The following DCAF6 variants were observed in gnomAD, a reference collection of about 807,000 sequenced individuals.
DCAF6 encodes the protein DDB1- and CUL4-associated factor 6.
DCAF6 carries 54 observed loss-of-function variants against 125.1 expected under a neutral mutation model. The observed-to-expected ratio is 0.43, with a 90% CI of 0.35 to 0.54. The LOEUF (loss-of-function observed/expected upper bound fraction) is 0.54. Among genes scored for constraint, DCAF6 ranks in the 20% least tolerant of loss-of-function variants. The pLI, the probability that DCAF6 is intolerant of heterozygous loss-of-function variation, is 0.01. For missense variants in DCAF6, 934 were observed against 1,161.7 expected (o/e 0.80, Z 2.85); for synonymous variants, 371 against 390.4 (o/e 0.95, Z 0.58).
chr1:167,882,530 C>T, the DCAF6 span, among the ~76,000 whole-genome samples: 1 of 150,234 alleles, frequency 6.7e-6, no homozygotes. Context: ...ACCTGGGAGC[C>T]AGAGGCAGTC....
chr1:167,930,950 T>C (rs868579227), upstream of DCAF6, among the ~76,000 whole-genome samples: 1 of 152,226 alleles, frequency 6.6e-6, no homozygotes, highest in South Asian at 2.1e-4. Context: ...GCATCAAGGA[T>C]GATAATCTGC....
At chr1:168,066,823 C>G (rs1692405832) in intron 20 of DCAF6, among the ~76,000 whole-genome samples, 2 of 152,082 alleles carry the variant, frequency 1.3e-5, no homozygotes, top group South Asian at 4.1e-4. Flanking sequence ...AAAAGCCTAG[C>G]AATTTTTCCA....
At chr1:168,045,430 TAAA>T (rs1305735639) in intron 16 of DCAF6, among the ~76,000 whole-genome samples, 1 of 152,188 alleles carries the variant, frequency 6.6e-6, no homozygotes, top group African/African-American at 2.4e-5. Flanking sequence ...AATAGGGAAA[TAAA>T]AAGTCTTCAT....
intron 10 of DCAF6, among the ~76,000 whole-genome samples, chr1:168,007,635 T>C (rs1164264555): frequency 6.6e-6 from 1 of 152,242 alleles, no homozygotes; most frequent in Non-Finnish European, 1.5e-5. Flanking sequence ...TGAAACACTT[T>C]CCTTTCTTGG....
chr1:167,985,277 A>G (rs1163194970), intron 4 of DCAF6, among the ~76,000 whole-genome samples: 1 of 151,960 alleles, frequency 6.6e-6, no homozygotes, highest in Non-Finnish European at 1.5e-5. Context: ...CAAATTTATT[A>G]TCTTACTGTT....
rs879488438 is a variant in DCAF6 at position 168,047,071 on chromosome 1, A to G, written c.2258+1844A>G. 2.6e-5 allele frequency among the ~76,000 whole-genome samples: 4 copies of G among 152,114 alleles called. No homozygotes were observed. In the South Asian group the frequency reaches 8.3e-4, roughly 31 times the overall value. On this transcript the variant is annotated intron_variant, in intron 16 of 21. Coordinates refer to ENST00000367840, the MANE Select transcript of DCAF6 (RefSeq NM_001198956.2). ...TTAGGTGCTAAGCAAAGGGTTTTGT[A>G]TATTCTAGAGCTAAGGAGTTTTGTT...
chr1:167,950,892 C>G (rs1250242292), intron 1 of DCAF6, among the ~76,000 whole-genome samples: 1 of 152,142 alleles, frequency 6.6e-6, no homozygotes, highest in African/African-American at 2.4e-5. Flanking sequence ...GACATTTATG[C>G]TGATTTTTAA....
At chr1:168,071,355 GCA>G (rs1692992456) in intron 21 of DCAF6, among the ~76,000 whole-genome samples, 1 of 152,180 alleles carries the variant, frequency 6.6e-6, no homozygotes, top group African/African-American at 2.4e-5. Flanking sequence ...TGTAATCTCA[GCA>G]CTTTGGGAGG....
chr1:168,072,090 G>A (rs746176313), intron 21 of DCAF6, among the ~76,000 whole-genome samples: 2 of 151,860 alleles, frequency 1.3e-5, no homozygotes, highest in African/African-American at 4.8e-5. Flanking sequence ...GAGGTCAGGA[G>A]ATTGAGACCA....
At chr1:168,021,046 T>G (rs1236764674) in intron 11 of DCAF6, among the ~76,000 whole-genome samples, 1 of 152,182 alleles carries the variant, frequency 6.6e-6, no homozygotes, top group Non-Finnish European at 1.5e-5. Flanking sequence ...TTAACATAGC[T>G]TTAATATTTT....
the DCAF6 span, among the ~76,000 whole-genome samples, chr1:167,900,297 TC>T: frequency 6.6e-6 from 1 of 152,106 alleles, no homozygotes; most frequent in East Asian, 1.9e-4. Flanking sequence ...CAGGGCTGAC[TC>T]CCCCCTGATT....
the DCAF6 span, among the ~76,000 whole-genome samples, chr1:167,875,882 G>C: frequency 1.3e-5 from 2 of 152,126 alleles, no homozygotes; most frequent in Non-Finnish European, 2.9e-5. Flanking sequence ...GAACCCGGGA[G>C]GGGGAGCTTG....
intron 1 of DCAF6, among the ~76,000 whole-genome samples, chr1:167,944,282 G>C (rs1002698523): frequency 1.1e-4 from 17 of 152,132 alleles, no homozygotes; most frequent in Non-Finnish European, 2.2e-4. Flanking sequence ...AAACATACTG[G>C]TGCACATATC....
At chr1:167,878,748 C>T in the DCAF6 span, 2 of 1,054,632 alleles carry the variant, frequency 1.9e-6, no homozygotes, top group Non-Finnish European at 2.8e-6. Context: ...CTTTGCTGTT[C>T]ATGAGTGACA....
the DCAF6 span, among the ~76,000 whole-genome samples, chr1:167,915,826 G>T: frequency 6.6e-6 from 1 of 152,108 alleles, no homozygotes; most frequent in Admixed American, 6.6e-5. Context: ...TCAATCTTTA[G>T]AACAATCCTA....
chr1:167,973,115 C>T (rs12073929), intron 3 of DCAF6, among the ~76,000 whole-genome samples: 10 of 152,136 alleles, frequency 6.6e-5, no homozygotes, highest in Middle Eastern at 3.4e-3. Flanking sequence ...TCTCTGACAG[C>T]GTTAAAGAAC....
At chr1:167,876,415 A>G in the DCAF6 span, among the ~76,000 whole-genome samples, 3 of 152,224 alleles carry the variant, frequency 2.0e-5, no homozygotes, top group Non-Finnish European at 4.4e-5. Flanking sequence ...TGCTCACTCC[A>G]TAACACTATC....
At chr1:167,955,247 G>A (rs1274039062) in intron 2 of DCAF6, among the ~76,000 whole-genome samples, 2 of 152,198 alleles carry the variant, frequency 1.3e-5, no homozygotes, top group African/African-American at 2.4e-5. Flanking sequence ...TTCGTGTTGC[G>A]TCTTTGTATG....
At position 168,000,620 on chromosome 1, in the gene DCAF6, A is replaced by AC. The variant is rs563106174; in HGVS notation, c.904-1861dup. 1.3e-3 allele frequency among the ~76,000 whole-genome samples: 196 copies of AC among 152,286 alleles called. 1 individual carries two copies. The highest frequency in any genetic ancestry group is 4.6e-3 in the African/African-American group (191 of 41,564). On this transcript the variant is annotated intron_variant, in intron 7 of 21. Coordinates refer to ENST00000367840, the MANE Select transcript of DCAF6 (RefSeq NM_001198956.2). ...AATAAGTTTGTTCGTCAACCAATTGACGAATGGATGAACAGAATAGGGTAT... is the reference window on the plus strand; with the variant it reads ...AATAAGTTTGTTCGTCAACCAATTGACCGAATGGATGAACAGAATAGGGTAT...
Sources: gnomAD v4.1 joint callset for allele counts (sites outside exome capture counted in the v4.1 genomes callset) on GRCh38, gnomAD v4.1.1 for gene constraint, MANE v1.5 for transcripts, NCBI Gene and HGNC (gene_info 2026-07-23, HGNC 2026-07-21) for gene names.